Variants in KLRC2 observed in about 807,000 individuals in gnomAD.
The protein encoded by KLRC2 is NKG2-C type II integral membrane protein.
In KLRC2, 10 loss-of-function variants were observed where a neutral mutation model predicts 25.5. The observed-to-expected ratio is 0.39, with a 90% CI of 0.24 to 0.67. The LOEUF is 0.67. Ranked by LOEUF, KLRC2 falls within the 30% of genes least tolerant of loss-of-function variation. KLRC2 has a pLI of 0.45. For synonymous variants in KLRC2, 48 were observed against 93.3 expected, an observed-to-expected ratio of 0.51 and a Z score of 2.80; for missense variants, 170 against 272.8, an observed-to-expected ratio of 0.62 and a Z score of 2.65.
At position 10,433,748 on chromosome 12, in the gene KLRC2, G is replaced by A. The variant is rs777776573; in HGVS notation, c.483+43C>T. 2.6e-6 allele frequency: 4 copies of A among 1,516,496 alleles called. 1 individual carries two copies. In the South Asian group the frequency reaches 4.6e-5, roughly 17 times the overall value. 93.9% of individuals were successfully genotyped at this position (1,516,496 alleles called of 1,614,324 possible). ...GTTTTCTACAAATGTATTATTCACT[G>A]AAGGAAGCTTTTCATAAAATGTTTG... On this transcript the variant is annotated intron_variant, in intron 4 of 5. Transcript: ENST00000381902.
chr12:10,431,923 A>T (rs61917671), intron 5 of KLRC2, among the ~76,000 whole-genome samples, 183 bp downstream of exon 5: 15 of 140,426 alleles, frequency 1.1e-4, no homozygotes, highest in Admixed American at 2.8e-4. Context: ...GGTTACTAGC[A>T]GACCAATGAG....
In KLRC2 at chr12:10,431,175, C is replaced by A. The variant is rs1321981788; in HGVS notation, c.638G>T (p.Arg213Leu). The A allele has an allele frequency of 6.5e-7, 1 of 1,549,246 alleles. No homozygotes were observed. The highest frequency in any genetic ancestry group is 1.7e-5 in the Admixed American group (1 of 58,586). Residue 213 changes from arginine (R) to leucine (L), a missense_variant, in exon 6 of 6, where the codon CGA becomes CTA. Arg to Leu is a moderately radical substitution (Grantham distance 102). Coordinates refer to ENST00000381902, the MANE Select transcript of KLRC2 (RefSeq NM_002260.4). ...ELNCAVLQVNRLKSAQCGSSM... is the reference protein window; with the variant it reads ...ELNCAVLQVNLLKSAQCGSSM... ...AGATCCACACTGGGCTGATTTAAGT[C>A]GATTTACTTGTAGCACTGCACAGTT...
rs373440622 is a variant in KLRC2 at position 10,433,940 on chromosome 12, G to A, written c.334C>T (p.Arg112Cys). Residue 112 changes from arginine (R) to cysteine (C), a missense_variant and splice_region_variant, in exon 4 of 6, where the codon CGT (arginine) becomes TGT (cysteine). By Grantham distance (180) the Arg-to-Cys change is radical. Around this residue, in one of 3 missense-constraint regions of KLRC2, gnomAD observed 129 missense variants for 150.2 expected, o/e 0.86. Coordinates refer to ENST00000381902, the MANE Select transcript of KLRC2 (RefSeq NM_002260.4). ...FSPNTRTQKA[R>C]HCGHCPEEWI... ...TCCTCAGGACAATGGCCACAATGACGTGCTAATAAAGATATGAATTACTAT... is the reference window on the plus strand; with the variant it reads ...TCCTCAGGACAATGGCCACAATGACATGCTAATAAAGATATGAATTACTAT... The A allele has an allele frequency of 1.7e-4, 256 of 1,545,008 alleles. 35 individuals are homozygous for A. Among genetic ancestry groups the A allele is most frequent in the Non-Finnish European group, 2.2e-4 (246 of 1,133,952 alleles).
intron 3 of KLRC2, 115 bp from the exon 4 acceptor site, chr12:10,434,057 C>T: frequency 7.2e-7 from 1 of 1,391,904 alleles, no homozygotes. Context: ...CGCATCCTTA[C>T]AGGCTTATAA....
chr12:10,432,349 G>A (rs1166767041), intron 4 of KLRC2, 143 bp from the exon 5 acceptor site: 12 of 478,188 alleles, frequency 2.5e-5, no homozygotes, highest in South Asian at 1.1e-4. Context: ...ACTCTTCAAC[G>A]TTTATACTTA....
In KLRC2 at chr12:10,433,965, T is replaced by C. The variant is rs1449272695; in HGVS notation, c.332-23A>G. The C allele has an allele frequency of 6.5e-6, 10 of 1,531,282 alleles. 2 individuals carry two copies. The highest frequency in any genetic ancestry group is 3.6e-5 in the Admixed American group (2 of 55,338). 94.9% of individuals were successfully genotyped at this position (1,531,282 alleles called of 1,614,324 possible). A position where few individuals can be genotyped will look rare whatever the true frequency, so the allele number is the denominator to read the frequency against. ...GTGCTAATAAAGATATGAATTACTA[T>C]CTAGACCAATATGAATTTTTAAAAA... On this transcript the variant is annotated intron_variant, in intron 3 of 5. Coordinates refer to ENST00000381902, the MANE Select transcript of KLRC2 (RefSeq NM_002260.4).
At position 10,433,849 on chromosome 12, in the gene KLRC2, A is replaced by T; in HGVS notation, c.425T>A (p.Leu142Ter). 6.4e-7 allele frequency: 1 copy of T among 1,550,684 alleles called. No homozygotes were observed. Among genetic ancestry groups the T allele is most frequent in the Non-Finnish European group, 8.8e-7 (1 of 1,136,264 alleles). The change falls in exon 4 of 6, where the codon TTG becomes TAG. Residue 142 changes from leucine to a stop codon, truncating the protein, a stop_gained. Transcript: ENST00000381902. LOFTEE classifies it high-confidence loss of function. ...GKERRTWEES[L>*]LACTSKNSSL... The stretch of plus-strand genomic sequence containing the variant: ...GGAGTTCTTCGAAGTACAGGCCAGC[A>T]AACTCTCTTCCCAAGTTCTTCTTTC...
At chr12:10,433,508 G>A (rs539696088) in intron 4 of KLRC2, among the ~76,000 whole-genome samples, 1 of 141,924 alleles carries the variant, frequency 7.0e-6, no homozygotes, top group South Asian at 2.2e-4. Flanking sequence ...TGATCAATCT[G>A]CATGACCAGA....
Position 10,435,642 on chromosome 12 carries a change from G to A in KLRC2, c.187+158C>T, listed in dbSNP as rs984223012. ...CGCAGATTACAGTTGAACAATGCCC[G>A]AATAAAATTAGTCTTCTGATTTCAT... On this transcript the variant is annotated intron_variant, in intron 1 of 5. Coordinates refer to ENST00000381902, the MANE Select transcript of KLRC2 (RefSeq NM_002260.4). 3.5e-5 allele frequency among the ~76,000 whole-genome samples: 5 copies of A among 141,440 alleles called. 2 individuals are homozygous for A. Among genetic ancestry groups the A allele is most frequent in the Admixed American group, 1.4e-4 (2 of 14,458 alleles). 92.8% of individuals were successfully genotyped at this position (141,440 alleles called of 152,430 possible).
intron 4 of KLRC2, among the ~76,000 whole-genome samples, 160 bp downstream of exon 4, chr12:10,433,631 T>C (rs1222205474): frequency 2.8e-5 from 4 of 142,636 alleles, no homozygotes. Context: ...ACATTAGCAG[T>C]ATATAACTTT....
At chr12:10,433,434 A>G (rs1213833376) in intron 4 of KLRC2, among the ~76,000 whole-genome samples, 3 of 141,864 alleles carry the variant, frequency 2.1e-5, no homozygotes, top group African/African-American at 5.4e-5. Flanking sequence ...CAGGGGTGGA[A>G]CTGCTAGAGC....
intron 3 of KLRC2, 191 bp from the exon 4 acceptor site, chr12:10,434,133 C>G: frequency 1.0e-6 from 1 of 973,212 alleles, no homozygotes; most frequent in Non-Finnish European, 1.5e-6. Context: ...CCTCTCCTCC[C>G]TAATTGTGTT....
At chr12:10,431,735 C>T (rs1478720856) in intron 5 of KLRC2, among the ~76,000 whole-genome samples, 4 of 139,064 alleles carry the variant, frequency 2.9e-5, no homozygotes, top group South Asian at 2.2e-4. Flanking sequence ...GCTTTGAATG[C>T]GGCCCAACAC....
chr12:10,432,789 T>C lies in KLRC2; in HGVS notation c.484-583A>G, dbSNP rs1591606395. Among the ~76,000 whole-genome samples, 2 of 132,606 alleles carry C rather than the reference T, an allele frequency of 1.5e-5. 1 individual carries two copies. Among genetic ancestry groups the C allele is most frequent in the African/African-American group, 5.8e-5 (2 of 34,408 alleles). The allele number at this position is 132,606 out of a possible 152,430, so 87.0% of individuals were successfully genotyped here. ...AAAAGCAATGGAGAACTCTGAAAGG[T>C]GGAAAGAGAAAGATGAAATTGTCTG... On this transcript the variant is annotated intron_variant, in intron 4 of 5. Transcript: ENST00000381902.
At chr12:10,434,116 G>A in intron 3 of KLRC2, 174 bp from the exon 4 acceptor site, 1 of 1,093,540 alleles carries the variant, frequency 9.1e-7, no homozygotes, top group East Asian at 3.0e-5. Flanking sequence ...GCACAGACAA[G>A]GGTTAGCCTC....
rs200311721 is a variant in KLRC2, at chr12:10,432,085, G to A, written c.584+21C>T. The stretch of plus-strand genomic sequence containing the variant: ...ATCCTTTATATATATTTTTTATATA[G>A]CGCCATACAAAAGAACTTACTTATG... On this transcript the variant is annotated intron_variant, in intron 5 of 5. Coordinates refer to ENST00000381902, the MANE Select transcript of KLRC2 (RefSeq NM_002260.4). 8.3e-6 allele frequency: 12 copies of A among 1,443,078 alleles called. 3 individuals are homozygous for A. In the East Asian group the frequency reaches 3.0e-4, roughly 36 times the overall value. The allele number at this position is 1,443,078 out of a possible 1,614,324, so 89.4% of individuals were successfully genotyped here.
chr12:10,434,727 C>T (rs1591607132), intron 2 of KLRC2, among the ~76,000 whole-genome samples, 197 bp from the exon 3 acceptor site: 1 of 151,766 alleles, frequency 6.6e-6, no homozygotes, highest in African/African-American at 2.4e-5. Flanking sequence ...GCACAAACTT[C>T]ACCATCTCTT....
rs61917664 is a variant in KLRC2, at chr12:10,430,832, C to T, written c.*285G>A. 0.32 allele frequency: 133,909 copies of T among 424,110 alleles called. 27,543 individuals are homozygous for T. The highest frequency in any genetic ancestry group is 0.48 in the South Asian group (12,010 of 24,940). 26.3% of individuals were successfully genotyped at this position (424,110 alleles called of 1,614,324 possible). ...CAACCACTATTCTACTTTCTGTCTC[C>T]ATGGGTTTGACTGTTCTTGGTACTT... On this transcript the variant is annotated 3_prime_UTR_variant, in exon 6 of 6. Coordinates refer to ENST00000381902, the MANE Select transcript of KLRC2 (RefSeq NM_002260.4).
chr12:10,431,021 T>A lies in KLRC2; in HGVS notation c.*96A>T. Reference sequence around the variant, plus strand: ...TTTAGAATTTTTGTATCAGAGCAAATAACATAATTCATTTTCAGATTTATG... The same window carrying A: ...TTTAGAATTTTTGTATCAGAGCAAAAAACATAATTCATTTTCAGATTTATG... On this transcript the variant is annotated 3_prime_UTR_variant, in exon 6 of 6. Transcript: ENST00000381902. 2.6e-6 allele frequency: 3 copies of A among 1,153,574 alleles called. No individual in the cohort carries two copies. Among genetic ancestry groups the A allele is most frequent in the Non-Finnish European group, 3.6e-6 (3 of 844,504 alleles). 71.5% of individuals were successfully genotyped at this position (1,153,574 alleles called of 1,614,324 possible).
Sources: gnomAD v4.1 joint callset for allele counts (sites outside exome capture counted in the v4.1 genomes callset) on GRCh38, gnomAD v4.1.1 for gene constraint, gnomAD v4.1.1 regional missense constraint, MANE v1.5 for transcripts, NCBI Gene and HGNC (gene_info 2026-07-23, HGNC 2026-07-21) for gene names.